Variants in TENM2 observed in about 807,000 individuals in gnomAD.
TENM2 encodes teneurin transmembrane protein 2.
TENM2 carries 52 observed loss-of-function variants against 245.2 expected under a neutral mutation model. The observed-to-expected ratio is 0.21, with a 90% CI of 0.17 to 0.27. TENM2 has a LOEUF of 0.27. Among genes scored for constraint, TENM2 ranks in the 10% least tolerant of loss-of-function variants. The pLI is 1.00. For synonymous variants in TENM2, 1,363 were observed against 1,438.9 expected (o/e 0.95, Z 1.19); for missense variants, 3,046 against 3,666.8 (o/e 0.83, Z 4.37).
chr5:167,095,463 G>A, the TENM2 span, among the ~76,000 whole-genome samples: 9 of 152,110 alleles, frequency 5.9e-5, no homozygotes, highest in East Asian at 1.9e-4. Flanking sequence ...AGGAGGCGGC[G>A]GGCGGCAGGA....
the TENM2 span, among the ~76,000 whole-genome samples, chr5:166,996,372 A>G: frequency 2.6e-5 from 4 of 152,184 alleles, no homozygotes; most frequent in Admixed American, 2.6e-4. Context: ...ACAAAACAAC[A>G]AAAATCAAAC....
At chr5:167,859,082 C>G (rs1162917700) in intron 2 of TENM2, among the ~76,000 whole-genome samples, 1 of 144,522 alleles carries the variant, frequency 6.9e-6, no homozygotes, top group Non-Finnish European at 1.5e-5. Context: ...TCTGCCCGGC[C>G]GCCCATCGTC....
intron 2 of TENM2, among the ~76,000 whole-genome samples, chr5:167,858,085 A>C (rs1771258102): frequency 6.6e-6 from 1 of 152,234 alleles, no homozygotes. Context: ...TGCTAATCTC[A>C]GGGACAGAGC....
the TENM2 span, among the ~76,000 whole-genome samples, chr5:167,220,067 C>T: frequency 6.6e-6 from 1 of 152,316 alleles, no homozygotes; most frequent in South Asian, 2.1e-4. Context: ...TCTAAATGGA[C>T]CAGGCCTCCG....
chr5:167,828,793 A>G (rs556433813), intron 2 of TENM2, among the ~76,000 whole-genome samples: 1 of 152,372 alleles, frequency 6.6e-6, no homozygotes, highest in South Asian at 2.1e-4. Flanking sequence ...CATTTCTATA[A>G]GAAATCTGGG....
intron 2 of TENM2, among the ~76,000 whole-genome samples, chr5:167,751,288 C>T (rs1017601952): frequency 1.5e-4 from 23 of 152,082 alleles, no homozygotes; most frequent in African/African-American, 5.6e-4. Context: ...AGTGTAATGA[C>T]CAGATTTGTT....
chr5:167,133,157 G>GAA, the TENM2 span, among the ~76,000 whole-genome samples: 1 of 152,166 alleles, frequency 6.6e-6, no homozygotes, highest in Non-Finnish European at 1.5e-5. Flanking sequence ...GAGAGAGAGA[G>GAA]AAACCGTAAA....
chr5:167,682,710 C>T (rs998224958), intron 2 of TENM2, among the ~76,000 whole-genome samples: 5 of 152,080 alleles, frequency 3.3e-5, no homozygotes, highest in Admixed American at 1.3e-4. Flanking sequence ...CTGCCATTCA[C>T]CTCCTGCTGC....
At position 167,804,149 on chromosome 5, in the gene TENM2, A is replaced by G. The variant is rs1415436254; in HGVS notation, c.503-71837A>G. Among the ~76,000 whole-genome samples, 5 of 152,090 alleles carry G rather than the reference A, an allele frequency of 3.3e-5. No individual in the cohort carries two copies. The East Asian group carries it at 9.7e-4, about 29-fold the overall frequency. On this transcript the variant is annotated intron_variant, in intron 2 of 28. Coordinates refer to ENST00000518659, the Ensembl canonical transcript of TENM2. ...TCTAGTCCCAAGCATTTTGGATAAG[A>G]GATACCTAATCCATAGATAACATTC...
chr5:168,236,972 A>G (rs867039986), intron 25 of TENM2, among the ~76,000 whole-genome samples: 1 of 3,076 alleles, frequency 3.3e-4, no homozygotes, highest in Non-Finnish European at 6.4e-4. Flanking sequence ...ATATATATAT[A>G]TATATATATA....
chr5:167,848,544 A>C (rs6555773), intron 2 of TENM2, among the ~76,000 whole-genome samples: 1 of 152,100 alleles, frequency 6.6e-6, no homozygotes, highest in Admixed American at 6.6e-5. Flanking sequence ...CACAGGGCCA[A>C]CTCTGCTCCA....
At chr5:167,225,686 G>C in the TENM2 span, among the ~76,000 whole-genome samples, 1 of 151,854 alleles carries the variant, frequency 6.6e-6, no homozygotes, top group Non-Finnish European at 1.5e-5. Context: ...TCATAGAATA[G>C]TTAGGAAGAA....
intron 2 of TENM2, among the ~76,000 whole-genome samples, chr5:167,446,581 A>G (rs2127468166): frequency 6.6e-6 from 1 of 152,218 alleles, no homozygotes; most frequent in Admixed American, 6.5e-5. Flanking sequence ...ACTTTGTTTT[A>G]TTCTTAGTTT....
At chr5:167,865,301 T>C (rs1338065356) in intron 2 of TENM2, among the ~76,000 whole-genome samples, 3 of 152,276 alleles carry the variant, frequency 2.0e-5, no homozygotes, top group Non-Finnish European at 2.9e-5. Flanking sequence ...TATTTTTTTG[T>C]AGAGTGTTGC....
chr5:167,309,211 G>A (rs1423057049), intron 1 of TENM2, among the ~76,000 whole-genome samples: 1 of 152,112 alleles, frequency 6.6e-6, no homozygotes, highest in Non-Finnish European at 1.5e-5. Context: ...ATACCAGAAA[G>A]AAGAATGGAA....
rs557615135 is a variant in TENM2, at chr5:167,706,275, T to C, written c.503-169711T>C. Among the ~76,000 whole-genome samples the C allele has an allele frequency of 4.9e-5, 7 of 144,298 alleles. No individual in the cohort carries two copies. In the South Asian group the frequency reaches 1.3e-3, roughly 26 times the overall value. The allele number at this position is 144,298 out of a possible 152,430, so 94.7% of individuals were successfully genotyped here. A position where few individuals can be genotyped will look rare whatever the true frequency, so the allele number is the denominator to read the frequency against. On this transcript the variant is annotated intron_variant, in intron 2 of 28. Coordinates refer to ENST00000518659, the Ensembl canonical transcript of TENM2. ...TATATTATTTATGCTGTGATATATA[T>C]TATGATAAGTATATATTATATATGT...
At chr5:167,502,138 C>T (rs1457637085) in intron 2 of TENM2, among the ~76,000 whole-genome samples, 1 of 152,116 alleles carries the variant, frequency 6.6e-6, no homozygotes, top group Non-Finnish European at 1.5e-5. Context: ...CGCCAGCATA[C>T]ATATATTTAC....
chr5:167,382,876 T>C (rs972135858), intron 2 of TENM2, among the ~76,000 whole-genome samples: 3 of 152,042 alleles, frequency 2.0e-5, no homozygotes, highest in African/African-American at 7.2e-5. Context: ...AAGAAGAAAA[T>C]TGGTGTTTGA....
At chr5:168,139,599 T>C in intron 12 of TENM2, 2 of 456,136 alleles carry the variant, frequency 4.4e-6, no homozygotes, top group South Asian at 1.6e-5. Flanking sequence ...ATTTGGTTAA[T>C]GAGGGCACTA....
Sources: gnomAD v4.1 joint callset for allele counts (sites outside exome capture counted in the v4.1 genomes callset) on GRCh38, gnomAD v4.1.1 for gene constraint, MANE v1.5 for transcripts, NCBI Gene and HGNC (gene_info 2026-07-23, HGNC 2026-07-21) for gene names.